LRP6: variants seen among roughly 807,000 people sequenced by gnomAD.
The protein encoded by LRP6 is LDL receptor related protein 6, also known as low-density lipoprotein receptor-related protein 6.
In LRP6, 43 loss-of-function variants were observed where a neutral mutation model predicts 184.1. The observed-to-expected ratio is 0.23, with a 90% CI of 0.18 to 0.30. The LOEUF (loss-of-function observed/expected upper bound fraction) is 0.30, where lower values mean the gene tolerates loss of function less well. LRP6 is among the 10% of genes least tolerant of loss of function. The pLI is 1.00. For synonymous variants in LRP6, 719 were observed against 684.9 expected (o/e 1.05, Z -0.78); for missense variants, 1,571 against 2,005.3 (o/e 0.78, Z 4.14).
intron 12 of LRP6, among the ~76,000 whole-genome samples, chr12:12,156,051 AAAG>A (rs1224193229): frequency 1.3e-5 from 2 of 152,168 alleles, no homozygotes; most frequent in African/African-American, 2.4e-5. Flanking sequence ...CAAATATAAT[AAAG>A]AAGGAAGTGA....
At chr12:12,172,206 G>C (rs922140099) in intron 7 of LRP6, among the ~76,000 whole-genome samples, 1 of 152,156 alleles carries the variant, frequency 6.6e-6, no homozygotes, top group African/African-American at 2.4e-5. Context: ...GTCTCCAGTG[G>C]TTTCAGCTGC....
chr12:12,245,580 C>T (rs1865163572), intron 1 of LRP6, among the ~76,000 whole-genome samples: 1 of 151,902 alleles, frequency 6.6e-6, no homozygotes, highest in South Asian at 2.1e-4. Flanking sequence ...TATTGTCTAT[C>T]AATTATACCT....
chr12:12,201,466 C>G (rs1056596552), intron 3 of LRP6, among the ~76,000 whole-genome samples: 11 of 152,170 alleles, frequency 7.2e-5, no homozygotes, highest in Admixed American at 3.9e-4. Context: ...TCTTGTCCAG[C>G]AAATAGCTGT....
chr12:12,179,544 T>C (rs1484018170), intron 7 of LRP6, among the ~76,000 whole-genome samples: 4 of 152,104 alleles, frequency 2.6e-5, no homozygotes, highest in Non-Finnish European at 4.4e-5. Flanking sequence ...TTACCCAAAA[T>C]GAGGAAAATC....
chr12:12,126,953 T>C, intron 19 of LRP6, 32 bp from the exon 20 acceptor site: 2 of 1,542,508 alleles, frequency 1.3e-6, no homozygotes, highest in Non-Finnish European at 1.8e-6. Flanking sequence ...GGTTATTTAA[T>C]AGAAAAACAA....
intron 2 of LRP6, among the ~76,000 whole-genome samples, chr12:12,219,653 G>A (rs1199168770): frequency 1.3e-5 from 2 of 152,160 alleles, no homozygotes. Context: ...TTCTTTCATG[G>A]ATATATGGCA....
At chr12:12,182,303 A>AG (rs757094488) in intron 5 of LRP6, among the ~76,000 whole-genome samples, 10 of 152,238 alleles carry the variant, frequency 6.6e-5, no homozygotes, top group Non-Finnish European at 1.3e-4. Flanking sequence ...GTATTAAAAA[A>AG]TAAAGATTTT....
At chr12:12,142,296 G>C (rs1400766961) in intron 15 of LRP6, among the ~76,000 whole-genome samples, 1 of 152,116 alleles carries the variant, frequency 6.6e-6, no homozygotes, top group Non-Finnish European at 1.5e-5. Flanking sequence ...GATGGTCTGA[G>C]GTAGACAACT....
intron 1 of LRP6, among the ~76,000 whole-genome samples, chr12:12,245,246 A>G (rs1865156631): frequency 6.6e-6 from 1 of 152,236 alleles, no homozygotes; most frequent in African/African-American, 2.4e-5. Context: ...GCCATACAAC[A>G]GAAAATAATG....
intron 18 of LRP6, 57 bp from the exon 19 acceptor site, chr12:12,130,950 T>C (rs1270732723): frequency 1.0e-6 from 1 of 971,218 alleles, no homozygotes; most frequent in African/African-American, 1.6e-5. Context: ...AGTCAAACTC[T>C]GGCAAGAATC....
chr12:12,230,185 T>A (rs1194639798), intron 2 of LRP6, among the ~76,000 whole-genome samples: 1 of 152,226 alleles, frequency 6.6e-6, no homozygotes, highest in Non-Finnish European at 1.5e-5. Context: ...TTTCAAGATG[T>A]CACAATTTCT....
intron 3 of LRP6, 101 bp downstream of exon 3, chr12:12,203,102 T>A: frequency 1.3e-6 from 1 of 792,940 alleles, no homozygotes; most frequent in South Asian, 1.9e-5. Flanking sequence ...CTCTGGCACT[T>A]AGTCAAAAAT....
At chr12:12,249,413 C>T (rs1438681601) in intron 1 of LRP6, 7 of 817,958 alleles carry the variant, frequency 8.6e-6, no homozygotes, top group Non-Finnish European at 1.3e-5. Flanking sequence ...ACCTCAAGGA[C>T]AGTGTTACAG....
chr12:12,162,523 G>T, intron 9 of LRP6, 104 bp from the exon 10 acceptor site: 2 of 885,308 alleles, frequency 2.3e-6, no homozygotes, highest in Non-Finnish European at 3.8e-6. Context: ...ATCCAGAAGT[G>T]CCAAGAGGCA....
intron 2 of LRP6, among the ~76,000 whole-genome samples, chr12:12,209,077 C>A (rs1037695192): frequency 1.3e-5 from 2 of 152,178 alleles, no homozygotes; most frequent in Admixed American, 6.5e-5. Context: ...CTATACTCTG[C>A]GCCGTGTGTG....
At chr12:12,228,479 G>A (rs1287013825) in intron 2 of LRP6, among the ~76,000 whole-genome samples, 2 of 152,218 alleles carry the variant, frequency 1.3e-5, no homozygotes, top group Non-Finnish European at 2.9e-5. Context: ...TTTAGTCTCA[G>A]GATCTGCTTT....
Position 12,120,938 on chromosome 12 carries a change from T to TA in LRP6, c.*187dup, listed in dbSNP as rs1325493561. 2 of 488,174 alleles carry TA rather than the reference T, an allele frequency of 4.1e-6. No homozygotes were observed. The highest frequency in any genetic ancestry group is 6.9e-6 in the Non-Finnish European group (2 of 289,896). 30.2% of individuals were successfully genotyped at this position (488,174 alleles called of 1,614,324 possible). On this transcript the variant is annotated 3_prime_UTR_variant, in exon 23 of 23. Coordinates refer to ENST00000261349, the MANE Select transcript of LRP6 (RefSeq NM_002336.3). ...GGCACAAGCAGCAAATCTGCTGTTT[T>TA]AAGAAAATATATAAATATCCTTTTC... is the stretch of plus-strand genomic sequence containing the variant.
chr12:12,187,893 A>C (rs1863516014), intron 3 of LRP6, among the ~76,000 whole-genome samples: 1 of 152,158 alleles, frequency 6.6e-6, no homozygotes, highest in African/African-American at 2.4e-5. Context: ...AACTTTGTAG[A>C]GTATTAGAGA....
chr12:12,231,649 G>C (rs1362679804), intron 2 of LRP6, among the ~76,000 whole-genome samples: 1 of 151,562 alleles, frequency 6.6e-6, no homozygotes, highest in Admixed American at 6.6e-5. Context: ...CATGCCTGTA[G>C]TCCCAGAAGT....
Sources: allele counts gnomAD v4.1 joint callset (sites outside exome capture counted in the v4.1 genomes callset), GRCh38; gene constraint gnomAD v4.1.1; transcripts MANE v1.5; gene names NCBI Gene and HGNC (gene_info 2026-07-23, HGNC 2026-07-21).